Variants in MYO16 observed in about 807,000 individuals in gnomAD.
The protein encoded by MYO16 is myosin XVI.
In MYO16, 94 loss-of-function variants were observed where a neutral mutation model predicts 205.3. The observed-to-expected ratio is 0.46, with a 90% CI of 0.39 to 0.54. The LOEUF (loss-of-function observed/expected upper bound fraction) is 0.54, where lower values mean the gene tolerates loss of function less well. Ranked by LOEUF, MYO16 falls within the 20% of genes least tolerant of loss-of-function variation. MYO16 has a pLI of 0.00. For missense variants in MYO16, 2,315 were observed against 2,387.5 expected (o/e 0.97, Z 0.63); for synonymous variants, 988 against 954.0 (o/e 1.04, Z -0.66).
intron 11 of MYO16, among the ~76,000 whole-genome samples, chr13:108,858,464 C>G (rs2139108159): frequency 6.6e-6 from 1 of 152,252 alleles, no homozygotes; most frequent in South Asian, 2.1e-4. Context: ...CAGCCCCACT[C>G]TTGTCACTTC....
At chr13:108,731,965 A>G (rs1199307418) in intron 4 of MYO16, among the ~76,000 whole-genome samples, 1 of 152,254 alleles carries the variant, frequency 6.6e-6, no homozygotes, top group Admixed American at 6.5e-5. Flanking sequence ...AAATCTGAGT[A>G]GCTGTATTCA....
At chr13:108,845,667 A>G (rs1199405742) in intron 10 of MYO16, among the ~76,000 whole-genome samples, 1 of 152,190 alleles carries the variant, frequency 6.6e-6, no homozygotes, top group East Asian at 1.9e-4. Context: ...GAGAAATACA[A>G]TTAGTCCACA....
the MYO16 span, among the ~76,000 whole-genome samples, chr13:108,548,566 G>A: frequency 6.6e-6 from 1 of 151,200 alleles, no homozygotes; most frequent in African/African-American, 2.4e-5. Flanking sequence ...TAGGGTTGAG[G>A]AGGATAATAA....
At chr13:108,958,295 C>A (rs1253711297) in intron 17 of MYO16, among the ~76,000 whole-genome samples, 3 of 149,822 alleles carry the variant, frequency 2.0e-5, no homozygotes, top group Non-Finnish European at 4.4e-5. Context: ...GATCAAATAA[C>A]TTTATACTTG....
At chr13:109,144,664 G>A (rs1051369255) in intron 32 of MYO16, among the ~76,000 whole-genome samples, 15 of 152,076 alleles carry the variant, frequency 9.9e-5, no homozygotes, top group African/African-American at 3.1e-4. Flanking sequence ...ACAGTGTGTG[G>A]CTAATTTACC....
intron 27 of MYO16, among the ~76,000 whole-genome samples, chr13:109,088,114 A>G (rs1888497857): frequency 6.6e-6 from 1 of 152,200 alleles, no homozygotes; most frequent in Admixed American, 6.5e-5. Flanking sequence ...GCCTGCGACC[A>G]TTATTTCAGC....
chr13:108,704,090 C>T (rs1467472386), intron 2 of MYO16, among the ~76,000 whole-genome samples: 3 of 152,194 alleles, frequency 2.0e-5, no homozygotes, highest in African/African-American at 7.2e-5. Flanking sequence ...AAACTGCCAA[C>T]ACCTTGATCT....
chr13:108,955,320 T>A (rs1162120352), intron 16 of MYO16, among the ~76,000 whole-genome samples: 1 of 152,140 alleles, frequency 6.6e-6, no homozygotes, highest in Non-Finnish European at 1.5e-5. Context: ...TTTATGTGGT[T>A]TTTTGGTGCT....
At chr13:108,571,506 A>G in the MYO16 span, among the ~76,000 whole-genome samples, 1 of 152,156 alleles carries the variant, frequency 6.6e-6, no homozygotes, top group Non-Finnish European at 1.5e-5. Flanking sequence ...GTTGTATACC[A>G]ATATTAAAAT....
intron 1 of MYO16, among the ~76,000 whole-genome samples, chr13:108,598,573 G>A (rs76643314): frequency 6.6e-6 from 1 of 152,276 alleles, no homozygotes; most frequent in African/African-American, 2.4e-5. Context: ...ACAAATATGA[G>A]TTGAAAGTGT....
intron 1 of MYO16, among the ~76,000 whole-genome samples, chr13:108,618,767 C>A (rs764993755): frequency 6.6e-6 from 1 of 152,128 alleles, no homozygotes; most frequent in Non-Finnish European, 1.5e-5. Flanking sequence ...CCTTAGAAAT[C>A]CTTTTCTCAC....
intron 1 of MYO16, among the ~76,000 whole-genome samples, chr13:108,652,100 T>C (rs1881032066): frequency 2.0e-5 from 3 of 152,194 alleles, no homozygotes. Context: ...ATTCTGAGAA[T>C]AAAACTTCTG....
intron 32 of MYO16, among the ~76,000 whole-genome samples, 199 bp from the exon 33 acceptor site, chr13:109,164,702 A>G (rs553966617): frequency 3.3e-4 from 51 of 152,276 alleles, no homozygotes; most frequent in Admixed American, 4.6e-4. Flanking sequence ...TTACCACTTG[A>G]CATTTTCCTT....
intron 28 of MYO16, among the ~76,000 whole-genome samples, chr13:109,108,041 A>G (rs192447939): frequency 1.3e-5 from 2 of 152,106 alleles, no homozygotes; most frequent in Non-Finnish European, 2.9e-5. Flanking sequence ...ACTACTGAAA[A>G]TATTTGGTGC....
chr13:108,855,177 G>A (rs1878101014), intron 10 of MYO16: 2 of 324,752 alleles, frequency 6.2e-6, no homozygotes, highest in South Asian at 1.9e-4. Context: ...CATCTTGACA[G>A]ACCTAATGCC....
intron 16 of MYO16, among the ~76,000 whole-genome samples, chr13:108,952,043 G>A (rs111557059): frequency 9.8e-4 from 149 of 151,962 alleles, no homozygotes; most frequent in Admixed American, 3.3e-3. Context: ...CCTGGGAGGC[G>A]GAGGTTGCAG....
intron 13 of MYO16, among the ~76,000 whole-genome samples, chr13:108,887,632 A>G (rs1879965610): frequency 6.6e-6 from 1 of 152,188 alleles, no homozygotes; most frequent in Non-Finnish European, 1.5e-5. Flanking sequence ...CCTTATAAAT[A>G]AAAGTTCAGT....
the MYO16 span, among the ~76,000 whole-genome samples, chr13:108,517,586 T>C: frequency 3.3e-5 from 5 of 152,224 alleles, no homozygotes; most frequent in Admixed American, 3.3e-4. Context: ...AATGTAGATA[T>C]ACTATTGAAA....
chr13:108,802,327 C>T (rs9521056), intron 6 of MYO16, among the ~76,000 whole-genome samples: 97,047 of 152,032 alleles, frequency 0.64, 32,790 homozygotes, highest in East Asian at 0.77. Context: ...CACTTAGAAG[C>T]GAGATCATGC....
Sources: gnomAD v4.1 joint callset for allele counts (sites outside exome capture counted in the v4.1 genomes callset) on GRCh38, gnomAD v4.1.1 for gene constraint, MANE v1.5 for transcripts, NCBI Gene and HGNC (gene_info 2026-07-23, HGNC 2026-07-21) for gene names.